NOX4: variants seen among roughly 807,000 people sequenced by gnomAD.
NOX4 encodes kidney oxidase-1.
Under a neutral mutation model 87.6 loss-of-function variants are expected in NOX4, and 69 were observed. The observed-to-expected ratio is 0.79, with a 90% CI of 0.65 to 0.96. NOX4 has a LOEUF of 0.96. NOX4 is among the 40% of genes least tolerant of loss of function. The pLI is 0.00. For synonymous variants in NOX4, 275 were observed against 238.2 expected (o/e 1.15, Z -1.42); for missense variants, 680 against 681.5 (o/e 1.00, Z 0.02).
chr11:89,569,018 G>A, the NOX4 span, among the ~76,000 whole-genome samples: 1 of 152,116 alleles, frequency 6.6e-6, no homozygotes, highest in East Asian at 1.9e-4. Context: ...GTCAGGATGG[G>A]TTAAAGACTT....
chr11:89,359,871 C>T (rs900790380), intron 12 of NOX4, among the ~76,000 whole-genome samples: 2 of 152,026 alleles, frequency 1.3e-5, no homozygotes, highest in Admixed American at 6.6e-5. Flanking sequence ...ACAAAAGGTA[C>T]TTGAACAGAA....
At chr11:89,391,765 GA>G (rs994923987) in intron 11 of NOX4, among the ~76,000 whole-genome samples, 2 of 142,846 alleles carry the variant, frequency 1.4e-5, no homozygotes, top group Non-Finnish European at 3.1e-5. Flanking sequence ...AAGAAAGAAA[GA>G]AAAAAAATTA....
chr11:89,571,408 T>A, the NOX4 span, among the ~76,000 whole-genome samples: 1 of 152,036 alleles, frequency 6.6e-6, no homozygotes, highest in Non-Finnish European at 1.5e-5. Flanking sequence ...GTGATTCTTC[T>A]GCCTCAGCTT....
At chr11:89,488,105 C>T (rs890105148) in intron 2 of NOX4, among the ~76,000 whole-genome samples, 1 of 152,092 alleles carries the variant, frequency 6.6e-6, no homozygotes, top group Non-Finnish European at 1.5e-5. Context: ...TTCCTGTCCA[C>T]AGTGACTCTT....
chr11:89,434,399 A>C (rs1223150781), intron 6 of NOX4, among the ~76,000 whole-genome samples: 1 of 152,050 alleles, frequency 6.6e-6, no homozygotes, highest in African/African-American at 2.4e-5. Flanking sequence ...CCTAATCCAA[A>C]TCATTTCTTC....
chr11:89,577,596 T>C, the NOX4 span: 2 of 152,218 alleles, frequency 1.3e-5, no homozygotes, highest in Admixed American at 1.3e-4. Flanking sequence ...TTAAATCATG[T>C]GCCAAATTTA....
the NOX4 span, among the ~76,000 whole-genome samples, chr11:89,534,741 A>T: frequency 6.6e-6 from 1 of 152,342 alleles, no homozygotes; most frequent in South Asian, 2.1e-4. Context: ...ACTGCCCTGG[A>T]GTCTTGCCTG....
chr11:89,530,135 G>A, the NOX4 span, among the ~76,000 whole-genome samples: 1 of 149,912 alleles, frequency 6.7e-6, no homozygotes, highest in African/African-American at 2.5e-5. Context: ...GAGCTTAAAT[G>A]ATCTGTGCAA....
the NOX4 span, among the ~76,000 whole-genome samples, chr11:89,535,279 A>C: frequency 6.6e-6 from 1 of 152,236 alleles, no homozygotes; most frequent in East Asian, 1.9e-4. Flanking sequence ...CTTCTTAAAT[A>C]TAATTTTAAC....
At chr11:89,452,031 T>C (rs1944984647) in intron 2 of NOX4, 136 bp from the exon 3 acceptor site, 2 of 594,120 alleles carry the variant, frequency 3.4e-6, no homozygotes, top group Admixed American at 5.7e-5. Flanking sequence ...AAGCCTTGAA[T>C]AGTCTTCCCT....
chr11:89,501,453 A>G (rs865998316), upstream of NOX4, among the ~76,000 whole-genome samples: 4 of 152,002 alleles, frequency 2.6e-5, no homozygotes, highest in Admixed American at 1.3e-4. Context: ...AGAAGATAAT[A>G]AAAAGGGGAG....
At chr11:89,358,665 C>T (rs1186633271) in intron 12 of NOX4, among the ~76,000 whole-genome samples, 3 of 151,164 alleles carry the variant, frequency 2.0e-5, no homozygotes, top group Non-Finnish European at 4.4e-5. Context: ...TCTTTAGTCT[C>T]ACAGATTTTT....
intron 15 of NOX4, among the ~76,000 whole-genome samples, chr11:89,338,511 C>T (rs1049052949): frequency 5.3e-5 from 8 of 152,060 alleles, no homozygotes; most frequent in Admixed American, 3.9e-4. Flanking sequence ...TACCTAGAAC[C>T]AATGTTTTCA....
intron 2 of NOX4, among the ~76,000 whole-genome samples, chr11:89,467,777 G>C (rs758569892): frequency 6.6e-6 from 1 of 152,190 alleles, no homozygotes; most frequent in Non-Finnish European, 1.5e-5. Context: ...CCATAGCACA[G>C]AATGATTGTG....
the NOX4 span, among the ~76,000 whole-genome samples, chr11:89,563,344 G>C: frequency 6.6e-6 from 1 of 152,082 alleles, no homozygotes; most frequent in Non-Finnish European, 1.5e-5. Context: ...AGATAGATGG[G>C]AGAGGTAGTT....
In NOX4 at chr11:89,413,946, G is replaced by A. The variant is rs912755060; in HGVS notation, c.629+7956C>T. Among the ~76,000 whole-genome samples the A allele has an allele frequency of 2.0e-5, 3 of 152,030 alleles. No individual in the cohort carries two copies. In the East Asian group the frequency reaches 5.8e-4, roughly 29 times the overall value. ...TTAAAAATAGAAAAGTTTTTTAAAT[G>A]GAGAACATTACATAGACAACAATAA... is the stretch of plus-strand genomic sequence containing the variant. On this transcript the variant is annotated intron_variant, in intron 8 of 17. Coordinates refer to ENST00000263317, the MANE Select transcript of NOX4 (RefSeq NM_016931.5).
chr11:89,347,229 C>A (rs1391405318), intron 13 of NOX4, among the ~76,000 whole-genome samples: 2 of 152,182 alleles, frequency 1.3e-5, no homozygotes, highest in Non-Finnish European at 2.9e-5. Flanking sequence ...TCCTTCCTGA[C>A]TAATCTAAGC....
chr11:89,521,848 A>C, the NOX4 span, among the ~76,000 whole-genome samples: 1 of 152,122 alleles, frequency 6.6e-6, no homozygotes, highest in African/African-American at 2.4e-5. Flanking sequence ...AAAAACAAAT[A>C]ACCCCATTAA....
At chr11:89,553,671 C>T in the NOX4 span, among the ~76,000 whole-genome samples, 1 of 151,876 alleles carries the variant, frequency 6.6e-6, no homozygotes, top group East Asian at 1.9e-4. Context: ...ATATCACAGG[C>T]AATCCACAAA....
Sources: allele counts gnomAD v4.1 joint callset (sites outside exome capture counted in the v4.1 genomes callset), GRCh38; gene constraint gnomAD v4.1.1; transcripts MANE v1.5; gene names NCBI Gene and HGNC (gene_info 2026-07-23, HGNC 2026-07-21).